PCDHGB1: variants seen among roughly 807,000 people sequenced by gnomAD.
PCDHGB1 encodes the protein protocadherin gamma subfamily B, 1, also known as protocadherin gamma-B1.
Under a neutral mutation model 56.6 loss-of-function variants are expected in PCDHGB1, and 34 were observed. The observed-to-expected ratio is 0.60, with a 90% CI of 0.46 to 0.80. The LOEUF (loss-of-function observed/expected upper bound fraction) is 0.80. PCDHGB1 is among the 30% of genes least tolerant of loss of function. The pLI is 0.00. For missense variants in PCDHGB1, 1,278 were observed against 1,204.6 expected, an observed-to-expected ratio of 1.06 and a Z score of -0.90; for synonymous variants, 561 against 505.9, an observed-to-expected ratio of 1.11 and a Z score of -1.46.
At chr5:141,508,961 A>C (rs991011427) in intron 3 of PCDHGB1, among the ~76,000 whole-genome samples, 2 of 151,978 alleles carry the variant, frequency 1.3e-5, no homozygotes, top group African/African-American at 4.8e-5. Context: ...TGTCAGCGGA[A>C]TGAAAGGGCT....
chr5:141,473,974 C>G (rs958240236), intron 1 of PCDHGB1, among the ~76,000 whole-genome samples: 33 of 152,054 alleles, frequency 2.2e-4, no homozygotes, highest in Admixed American at 2.2e-3. Context: ...AAGTCTGAGG[C>G]GGGAGGATCC....
chr5:141,372,316 G>T, intron 1 of PCDHGB1: 1 of 1,613,524 alleles, frequency 6.2e-7, no homozygotes, highest in East Asian at 2.2e-5. Flanking sequence ...GCCCGCCAGC[G>T]CCTGCTGGTC....
intron 1 of PCDHGB1, chr5:141,428,217 C>A: frequency 8.3e-7 from 1 of 1,211,998 alleles, no homozygotes; most frequent in Non-Finnish European, 1.2e-6. Context: ...TTCACCTAGT[C>A]TTCGCAGACA....
chr5:141,388,652 C>A (rs1388425962), intron 1 of PCDHGB1: 1 of 1,613,844 alleles, frequency 6.2e-7, no homozygotes, highest in Non-Finnish European at 8.5e-7. Flanking sequence ...AAAACGTGTA[C>A]CCGGGGACCA....
At chr5:141,405,372 T>C in intron 1 of PCDHGB1, 1 of 1,601,630 alleles carries the variant, frequency 6.2e-7, no homozygotes, top group East Asian at 2.2e-5. Flanking sequence ...ACCCCTTTGG[T>C]TCCGGTGAGT....
At position 141,352,348 on chromosome 5, in the gene PCDHGB1, A is replaced by G. The variant is rs776268889; in HGVS notation, c.2088A>G (p.Ser696=). 2 of 1,613,802 alleles carry G rather than the reference A, an allele frequency of 1.2e-6. No individual in the cohort carries two copies. The highest frequency in any genetic ancestry group is 3.3e-5 in the Admixed American group (2 of 60,020). Reference sequence around the variant, plus strand: ...TGGTTGTGGCCTTGGCCTTGATCTCAGTGCTCTTTCTCCTCGCGGTGATTC... The same window carrying G: ...TGGTTGTGGCCTTGGCCTTGATCTCGGTGCTCTTTCTCCTCGCGGTGATTC... ...FYLVVALALI[S]VLFLLAVILA... The change falls in exon 1 of 4, where the codon TCA becomes TCG. Residue 696 remains serine, a synonymous_variant. Transcript: ENST00000523390.
chr5:141,414,686 C>G, intron 1 of PCDHGB1: 4 of 1,614,042 alleles, frequency 2.5e-6, no homozygotes, highest in Non-Finnish European at 3.4e-6. Flanking sequence ...CAGGGGGTAC[C>G]TCTGTCCTCA....
chr5:141,361,101 A>T (rs1561522618), intron 1 of PCDHGB1: 1 of 1,614,014 alleles, frequency 6.2e-7, no homozygotes, highest in Non-Finnish European at 8.5e-7. Context: ...TCGAAGCAAA[A>T]GATCCTGGAG....
intron 1 of PCDHGB1, among the ~76,000 whole-genome samples, chr5:141,466,292 T>C (rs1050311680): frequency 3.3e-5 from 5 of 152,134 alleles, no homozygotes; most frequent in Non-Finnish European, 5.9e-5. Context: ...CACCTCAGGC[T>C]CCCAAGTAGC....
At chr5:141,384,215 T>C in intron 1 of PCDHGB1, 1 of 1,613,862 alleles carries the variant, frequency 6.2e-7, no homozygotes, top group Non-Finnish European at 8.5e-7. Flanking sequence ...ACTCACATAT[T>C]CATGCAGGTG....
intron 1 of PCDHGB1, chr5:141,394,727 C>T (rs971156422): frequency 1.2e-6 from 2 of 1,613,318 alleles, no homozygotes; most frequent in African/African-American, 1.3e-5. Context: ...GAGATGCGCT[C>T]AAGCAGAGCC....
At chr5:141,443,844 G>T (rs976057583) in intron 1 of PCDHGB1, among the ~76,000 whole-genome samples, 1 of 152,130 alleles carries the variant, frequency 6.6e-6, no homozygotes, top group African/African-American at 2.4e-5. Flanking sequence ...GGGTAATATG[G>T]AAAGTCTGAA....
At chr5:141,418,409 G>C in intron 1 of PCDHGB1, 4 of 1,613,910 alleles carry the variant, frequency 2.5e-6, no homozygotes, top group Admixed American at 1.7e-5. Context: ...GGTGGAGAAA[G>C]ACAATCCTGA....
At position 141,350,978 on chromosome 5, in the gene PCDHGB1, AG is replaced by A; in HGVS notation, c.719del (p.Ser240ThrfsTer22). ...TDANDNAPVF[S>X]QEVYRVSLQE... ...TGCCAATGATAATGCTCCCGTGTTTAGCCAGGAGGTATACAGGGTTAGCCTC... is the reference window on the plus strand; with the variant it reads ...TGCCAATGATAATGCTCCCGTGTTTACCAGGAGGTATACAGGGTTAGCCTC... On this transcript the variant is annotated frameshift_variant, in exon 1 of 4. Coordinates refer to ENST00000523390, the MANE Select transcript of PCDHGB1 (RefSeq NM_018922.3). LOFTEE classifies it high-confidence loss of function. 1 of 1,614,074 alleles carries A rather than the reference AG, an allele frequency of 6.2e-7. No individual in the cohort carries two copies. The highest frequency in any genetic ancestry group is 1.1e-5 in the South Asian group (1 of 91,088).
At chr5:141,443,344 G>T (rs1016738767) in intron 1 of PCDHGB1, among the ~76,000 whole-genome samples, 2 of 151,966 alleles carry the variant, frequency 1.3e-5, no homozygotes, top group African/African-American at 2.4e-5. Context: ...AATTAACAAG[G>T]TTTAGTGGTC....
intron 1 of PCDHGB1, chr5:141,395,403 A>G: frequency 2.4e-6 from 2 of 849,494 alleles, no homozygotes; most frequent in East Asian, 2.8e-5. Flanking sequence ...TCTAATAGTC[A>G]TAGGTTATTG....
At chr5:141,389,896 C>T (rs1398944326) in intron 1 of PCDHGB1, 1 of 1,614,076 alleles carries the variant, frequency 6.2e-7, no homozygotes, top group Non-Finnish European at 8.5e-7. Flanking sequence ...GAGGTGCTGC[C>T]GGATATCACT....
intron 1 of PCDHGB1, chr5:141,370,177 C>T: frequency 2.2e-6 from 1 of 462,820 alleles, no homozygotes; most frequent in Non-Finnish European, 3.8e-6. Context: ...GCGCCGGGTG[C>T]CGCTCTTGGC....
intron 1 of PCDHGB1, among the ~76,000 whole-genome samples, chr5:141,434,285 T>G (rs1358981946): frequency 6.6e-6 from 1 of 152,232 alleles, no homozygotes; most frequent in Non-Finnish European, 1.5e-5. Context: ...GTATTCTCTG[T>G]TTTTCCTGTA....
Sources: allele counts gnomAD v4.1 joint callset (sites outside exome capture counted in the v4.1 genomes callset), GRCh38; gene constraint gnomAD v4.1.1; transcripts MANE v1.5; gene names NCBI Gene and HGNC (gene_info 2026-07-23, HGNC 2026-07-21).